KCTD17: variants seen among roughly 807,000 people sequenced by gnomAD.
KCTD17 encodes the protein potassium channel tetramerization domain containing 17.
In KCTD17, 20 loss-of-function variants were observed where a neutral mutation model predicts 41.5. That is an observed-to-expected ratio of 0.48 (90% CI 0.34 to 0.70). The LOEUF is 0.70. Ranked by LOEUF, KCTD17 falls within the 30% of genes least tolerant of loss-of-function variation. The probability of loss-of-function intolerance (pLI) is 0.01; values close to 1 mark genes in which losing one functional copy is unlikely to be tolerated. For missense variants in KCTD17, 317 were observed against 427.2 expected, an observed-to-expected ratio of 0.74 and a Z score of 2.27; for synonymous variants, 156 against 173.8, an observed-to-expected ratio of 0.90 and a Z score of 0.80.
intron 3 of KCTD17, 56 bp downstream of exon 3, chr22:37,056,467 G>A: frequency 7.0e-7 from 1 of 1,426,860 alleles, no homozygotes; most frequent in Non-Finnish European, 9.8e-7. Flanking sequence ...GGAGAGAGAG[G>A]CTGAGAGACG....
intron 5 of KCTD17, 86 bp from the exon 6 acceptor site, chr22:37,060,737 C>T (rs1925677504): frequency 5.6e-6 from 8 of 1,423,750 alleles, no homozygotes; most frequent in Non-Finnish European, 7.4e-6. Flanking sequence ...TGCCTGAGAC[C>T]GGGTCTTTGG....
intron 5 of KCTD17, 61 bp from the exon 6 acceptor site, chr22:37,060,762 C>T (rs1434051165): frequency 6.9e-7 from 1 of 1,451,108 alleles, no homozygotes; most frequent in African/African-American, 1.4e-5. Context: ...AGCCAGCAGG[C>T]CCTGGCCCCT....
In KCTD17 at chr22:37,061,053, G is replaced by A; in HGVS notation, c.713-51G>A. ...GGCACCAGGGTTAGCTCAGCCACTT[G>A]CCTGGCGCCTCACCCGCATAACCAT... On this transcript the variant is annotated intron_variant, in intron 6 of 8. Coordinates refer to ENST00000403888, the MANE Select transcript of KCTD17 (RefSeq NM_001282684.2). The surrounding 1 kb of genome is among the most constrained non-coding windows in gnomAD (Gnocchi z 6.6). The A allele has an allele frequency of 6.4e-7, 1 of 1,551,298 alleles. No individual in the cohort carries two copies. Among genetic ancestry groups the A allele is most frequent in the Non-Finnish European group, 8.7e-7 (1 of 1,146,778 alleles).
Position 37,061,024 on chromosome 22 carries a change from G to A in KCTD17, c.713-80G>A, listed in dbSNP as rs1925715266. On this transcript the variant is annotated intron_variant, in intron 6 of 8. Coordinates refer to ENST00000403888, the MANE Select transcript of KCTD17 (RefSeq NM_001282684.2). This position sits in a 1 kb window ranked among gnomAD's most constrained non-coding sequence, Gnocchi z 6.6. The stretch of plus-strand genomic sequence containing the variant: ...AGAACCGGGGGCCCCGGGGCTGCTG[G>A]GGGGGCACCAGGGTTAGCTCAGCCA... The A allele has an allele frequency of 1.9e-6, 3 of 1,549,224 alleles. No homozygotes were observed. Among genetic ancestry groups the A allele is most frequent in the Non-Finnish European group, 2.6e-6 (3 of 1,145,184 alleles).
In KCTD17 at chr22:37,061,704, C is replaced by T. The variant is rs548396353; in HGVS notation, c.875+75C>T. 2.4e-5 allele frequency: 36 copies of T among 1,509,078 alleles called. No individual in the cohort carries two copies. The highest frequency in any genetic ancestry group is 9.9e-5 in the East Asian group (4 of 40,268). 93.5% of individuals were successfully genotyped at this position (1,509,078 alleles called of 1,614,324 possible). A position where few individuals can be genotyped will look rare whatever the true frequency, so the allele number is the denominator to read the frequency against. On this transcript the variant is annotated intron_variant, in intron 8 of 8. Coordinates refer to ENST00000403888, the MANE Select transcript of KCTD17 (RefSeq NM_001282684.2). The surrounding 1 kb of genome is among the most constrained non-coding windows in gnomAD (Gnocchi z 6.6). The stretch of plus-strand genomic sequence containing the variant: ...CATCTCTTGATCCTTGGACTTGAGC[C>T]GAGCTTTCGGCTGATTATCTCCACC...
In KCTD17 at chr22:37,053,189, C is replaced by T; in HGVS notation, c.279C>T (p.Asp93=). 1 of 1,604,706 alleles carries T rather than the reference C, an allele frequency of 6.2e-7. No homozygotes were observed. The highest frequency in any genetic ancestry group is 8.5e-7 in the Non-Finnish European group (1 of 1,175,758). ...TCCGGCATGGCAAGCTGGTGCTGGA[C>T]AAGGACATGGCTGAGGAGGGTGAGT... The part of the protein sequence containing the change: ...NFLRHGKLVL[D]KDMAEEGVLE... The change falls in exon 2 of 9, where the codon GAC becomes GAT. Residue 93 remains aspartate, a synonymous_variant. Transcript: ENST00000403888. This position sits in a 1 kb window ranked among gnomAD's most constrained non-coding sequence, Gnocchi z 4.1.
intron 2 of KCTD17, among the ~76,000 whole-genome samples, chr22:37,054,098 G>A (rs1924816206): frequency 6.6e-6 from 1 of 152,150 alleles, no homozygotes; most frequent in Non-Finnish European, 1.5e-5. Flanking sequence ...CCCTCCCTGA[G>A]CCCTATGGGA....
intron 3 of KCTD17, among the ~76,000 whole-genome samples, chr22:37,057,013 C>T (rs1925206118): frequency 6.6e-6 from 1 of 152,092 alleles, no homozygotes; most frequent in Non-Finnish European, 1.5e-5. Context: ...CTCCGTGTCT[C>T]CTTGAGGGCC....
At position 37,057,894 on chromosome 22, in the gene KCTD17, G is replaced by A. The variant is rs541674812; in HGVS notation, c.486+401G>A. Among the ~76,000 whole-genome samples the A allele has an allele frequency of 1.6e-4, 24 of 152,332 alleles. No homozygotes were observed. The South Asian group carries it at 2.7e-3, about 17-fold the overall frequency. The stretch of plus-strand genomic sequence containing the variant: ...TTAGAACTCAGAGTCAGCATCATGC[G>A]ATCATAGCAGTTCCTGACACAGTTT... On this transcript the variant is annotated intron_variant, in intron 4 of 8. Transcript: ENST00000403888.
chr22:37,052,975 T>C (rs1924670180), intron 1 of KCTD17, 125 bp from the exon 2 acceptor site: 2 of 746,540 alleles, frequency 2.7e-6, no homozygotes, highest in Non-Finnish European at 4.5e-6. Context: ...GCCTTTTTGC[T>C]ACTTTGTGCC....
At chr22:37,057,320 T>C (rs1169348934) in intron 3 of KCTD17, 78 bp from the exon 4 acceptor site, 7 of 1,069,264 alleles carry the variant, frequency 6.5e-6, no homozygotes, top group Non-Finnish European at 8.7e-6. Context: ...GCGGGGGTGG[T>C]GGCAGCAGGT....
Position 37,056,422 on chromosome 22 carries a change from G to A in KCTD17, c.390+11G>A. On this transcript the variant is annotated intron_variant, in intron 3 of 8. Transcript: ENST00000403888. ...TACACGGTCACCCAGGTCGGGAGCAGGGGCAGCACACACGGCCAGGGCAGG... is the reference window on the plus strand; with the variant it reads ...TACACGGTCACCCAGGTCGGGAGCAAGGGCAGCACACACGGCCAGGGCAGG... 1 of 1,609,982 alleles carries A rather than the reference G, an allele frequency of 6.2e-7. No individual in the cohort carries two copies. The highest frequency in any genetic ancestry group is 1.1e-5 in the South Asian group (1 of 90,768).
intron 4 of KCTD17, among the ~76,000 whole-genome samples, chr22:37,058,772 G>A (rs1158265151): frequency 6.6e-6 from 1 of 152,214 alleles, no homozygotes; most frequent in Non-Finnish European, 1.5e-5. Context: ...AATTGCACAG[G>A]CTCTCAGAGG....
At chr22:37,059,280 C>G (rs369203695) in intron 4 of KCTD17, 33 bp from the exon 5 acceptor site, 3 of 1,609,242 alleles carry the variant, frequency 1.9e-6, no homozygotes, top group East Asian at 2.2e-5. Context: ...CAACACCAAC[C>G]TGCATTTTTC....
intron 4 of KCTD17, among the ~76,000 whole-genome samples, chr22:37,057,768 A>C (rs947326102): frequency 6.6e-6 from 1 of 152,196 alleles, no homozygotes; most frequent in African/African-American, 2.4e-5. Flanking sequence ...GTGGTGATCT[A>C]TCTGGTGGCA....
rs1047565696 is a variant in KCTD17, at chr22:37,060,847, C to G, written c.637C>G (p.Gln213Glu). The change falls in exon 6 of 9, where the codon CAG becomes GAG. Residue 213 changes from glutamine to glutamate, a missense_variant. Gln to Glu is a conservative substitution (Grantham distance 29). Around this residue, in one of 4 missense-constraint regions of KCTD17, gnomAD observed 177 missense variants for 194.4 expected, o/e 0.91. Coordinates refer to ENST00000403888, the MANE Select transcript of KCTD17 (RefSeq NM_001282684.2). Reference protein sequence around the residue: ...TKSTEEQLEEQQQQEEEVEEV... With the variant: ...TKSTEEQLEEEQQQEEEVEEV... Reference sequence around the variant, plus strand: ...GAGCACGGAGGAGCAGCTGGAGGAGCAGCAGCAGCAGGAGGAGGAGGTGGA... The same window carrying G: ...GAGCACGGAGGAGCAGCTGGAGGAGGAGCAGCAGCAGGAGGAGGAGGTGGA... The G allele has an allele frequency of 6.6e-7, 1 of 1,510,104 alleles. No homozygotes were observed. Among genetic ancestry groups the G allele is most frequent in the African/African-American group, 1.4e-5 (1 of 71,940 alleles). The allele number at this position is 1,510,104 out of a possible 1,614,324, so 93.5% of individuals were successfully genotyped here.
chr22:37,054,789 G>A (rs978222872), intron 2 of KCTD17, among the ~76,000 whole-genome samples: 1 of 152,138 alleles, frequency 6.6e-6, no homozygotes, highest in Non-Finnish European at 1.5e-5. Flanking sequence ...AGGGCACTGG[G>A]GATAATTCTC....
intron 2 of KCTD17, chr22:37,055,076 A>T (rs1447728313): frequency 1.3e-5 from 2 of 152,298 alleles, no homozygotes; most frequent in African/African-American, 4.8e-5. Flanking sequence ...CACATGGCAG[A>T]AAGAGAGGGA....
In KCTD17 at chr22:37,051,831, A is replaced by C; in HGVS notation, c.71A>C (p.Lys24Thr). The C allele has an allele frequency of 1.4e-6, 2 of 1,405,344 alleles. No individual in the cohort carries two copies. The highest frequency in any genetic ancestry group is 1.9e-6 in the Non-Finnish European group (2 of 1,074,386). The allele number at this position is 1,405,344 out of a possible 1,614,324, so 87.1% of individuals were successfully genotyped here. ...AGGRAAGGWG[K>T]WVRLNVGGTV... is the part of the protein sequence containing the mutation. ...GGCCGCGCCGCAGGCGGCTGGGGCA[A>C]GTGGGTGCGGCTCAACGTGGGGGGC... The change falls in exon 1 of 9, where the codon AAG becomes ACG. Residue 24 changes from lysine (K) to threonine (T), a missense_variant. Lys to Thr is a moderately conservative substitution (Grantham distance 78, BLOSUM62 -1). Around this residue, in one of 4 missense-constraint regions of KCTD17, gnomAD observed 99 missense variants for 166.5 expected, o/e 0.59. Coordinates refer to ENST00000403888, the MANE Select transcript of KCTD17 (RefSeq NM_001282684.2).
Sources: allele counts gnomAD v4.1 joint callset (sites outside exome capture counted in the v4.1 genomes callset), GRCh38; gene constraint gnomAD v4.1.1; regional missense constraint gnomAD v4.1.1; non-coding constraint Gnocchi (gnomAD v3.1); transcripts MANE v1.5; gene names NCBI Gene and HGNC (gene_info 2026-07-23, HGNC 2026-07-21).